DYRK1B: variants seen among roughly 807,000 people sequenced by gnomAD.
DYRK1B encodes the protein dual specificity tyrosine-phosphorylation-regulated kinase 1B.
A neutral mutation model predicts 57.1 loss-of-function variants in DYRK1B; 20 were observed. The ratio of observed to expected loss-of-function variants is 0.35; its 90% CI spans 0.25 to 0.51. The LOEUF (loss-of-function observed/expected upper bound fraction) is 0.51. Ranked by LOEUF, DYRK1B falls within the 20% of genes least tolerant of loss-of-function variation. The pLI, the probability that DYRK1B is intolerant of heterozygous loss-of-function variation, is 0.96. For missense variants in DYRK1B, 732 were observed against 886.3 expected, an observed-to-expected ratio of 0.83 and a Z score of 2.21; for synonymous variants, 409 against 384.7, an observed-to-expected ratio of 1.06 and a Z score of -0.74.
At position 39,826,949 on chromosome 19, in the gene DYRK1B, C is replaced by A; in HGVS notation, c.1134G>T (p.Val378=). 2 of 1,466,092 alleles carry A rather than the reference C, an allele frequency of 1.4e-6. No homozygotes were observed. Among genetic ancestry groups the A allele is most frequent in the South Asian group, 1.3e-5 (1 of 74,168 alleles). The allele number at this position is 1,466,092 out of a possible 1,614,324, so 90.8% of individuals were successfully genotyped here. ...CGGGCCCGCCCGTCTGCACGCCCAG[C>A]ACCTCCTGCAGCCGCCGTGTCCCGG... The part of the protein sequence containing the change: ...QGPGTRRLQE[V]LGVQTGGPGG... The change falls in exon 9 of 11, where the codon GTG becomes GTT. Residue 378 remains valine (V), a synonymous_variant. Coordinates refer to ENST00000323039, the MANE Select transcript of DYRK1B (RefSeq NM_004714.3). This position sits in a 1 kb window ranked among gnomAD's most constrained non-coding sequence, Gnocchi z 6.3.
At chr19:39,830,202 C>T in intron 4 of DYRK1B, 173 bp downstream of exon 4, 1 of 1,133,870 alleles carries the variant, frequency 8.8e-7, no homozygotes, top group Non-Finnish European at 1.3e-6. Flanking sequence ...ACATAACGAC[C>T]TTATGTTGAG....
At chr19:39,829,219 T>C (rs1391794524) in intron 5 of DYRK1B, among the ~76,000 whole-genome samples, 4 of 151,660 alleles carry the variant, frequency 2.6e-5, no homozygotes, top group Admixed American at 6.6e-5. Context: ...GTTTGGTTTT[T>C]TGTTTGTTTT....
chr19:39,832,586 T>A (rs75824165), intron 1 of DYRK1B, among the ~76,000 whole-genome samples: 5,357 of 152,222 alleles, frequency 0.035, 322 homozygotes, highest in African/African-American at 0.12. Context: ...ATCAGCGTCC[T>A]TGGGGACCTC....
At position 39,833,171 on chromosome 19, in the gene DYRK1B, C is replaced by G. The variant is rs902950573; in HGVS notation, c.-102+852G>C. 8.1e-6 allele frequency: 8 copies of G among 985,624 alleles called. No homozygotes were observed. The African/African-American group carries it at 1.4e-4, about 17-fold the overall frequency. 61.1% of individuals were successfully genotyped at this position (985,624 alleles called of 1,614,324 possible). ...TCTCCTATTCCATGCCTTGCCACTC[C>G]ACGACTCCTCCACCCTTGGAGCTTC... On this transcript the variant is annotated intron_variant, in intron 1 of 10. Coordinates refer to ENST00000323039, the MANE Select transcript of DYRK1B (RefSeq NM_004714.3).
chr19:39,832,870 G>A, intron 1 of DYRK1B: 1 of 973,792 alleles, frequency 1.0e-6, no homozygotes, highest in South Asian at 4.8e-5. Flanking sequence ...AGAAGGAGGA[G>A]GTGTCTCTTC....
chr19:39,825,714 G>C lies in DYRK1B; in HGVS notation c.*1C>G. On this transcript the variant is annotated 3_prime_UTR_variant, in exon 11 of 11. Coordinates refer to ENST00000323039, the MANE Select transcript of DYRK1B (RefSeq NM_004714.3). Reference sequence around the variant, plus strand: ...GGAGGGGCCCCAGGGAGGGGGCAGGGTCACGAGCTGGCTGCTGTGCTCTGG... The same window carrying C: ...GGAGGGGCCCCAGGGAGGGGGCAGGCTCACGAGCTGGCTGCTGTGCTCTGG... 8 of 1,548,646 alleles carry C rather than the reference G, an allele frequency of 5.2e-6. No homozygotes were observed. Among genetic ancestry groups the C allele is most frequent in the Non-Finnish European group, 7.0e-6 (8 of 1,147,752 alleles).
chr19:39,833,072 C>T (rs1599649401), intron 1 of DYRK1B: 1 of 985,406 alleles, frequency 1.0e-6, no homozygotes, highest in East Asian at 1.1e-4. Flanking sequence ...ATAGGGTTCT[C>T]TCCTCCCAGA....
intron 5 of DYRK1B, among the ~76,000 whole-genome samples, chr19:39,829,329 C>T (rs565862261): frequency 3.4e-4 from 51 of 151,736 alleles, no homozygotes; most frequent in Middle Eastern, 3.4e-3. Flanking sequence ...CAGGTTCAAG[C>T]GATTCTCCTG....
intron 4 of DYRK1B, 38 bp from the exon 5 acceptor site, chr19:39,830,065 A>AGCAGGG (rs1568533204): frequency 6.2e-7 from 1 of 1,604,350 alleles, no homozygotes. Flanking sequence ...AAGGGGTGGG[A>AGCAGGG]GCAGGGCAGA....
At chr19:39,833,602 C>T (rs968569006) in intron 1 of DYRK1B, 1 of 153,256 alleles carries the variant, frequency 6.5e-6, no homozygotes, top group Non-Finnish European at 1.4e-5. Context: ...GCCCCCCACC[C>T]AGGAGGCCCT....
intron 1 of DYRK1B, chr19:39,832,969 G>C: frequency 3.0e-6 from 3 of 984,940 alleles, no homozygotes; most frequent in Non-Finnish European, 3.6e-6. Context: ...TCCTACCACA[G>C]ACCTTTCTCC....
At position 39,827,581 on chromosome 19, in the gene DYRK1B, C is replaced by CT; in HGVS notation, c.882_883insA (p.Asp295ArgfsTer24). The CT allele has an allele frequency of 6.2e-7, 1 of 1,614,102 alleles. No individual in the cohort carries two copies. Among genetic ancestry groups the CT allele is most frequent in the Non-Finnish European group, 8.5e-7 (1 of 1,179,984 alleles). On this transcript the variant is annotated frameshift_variant, in exon 7 of 11. Transcript: ENST00000323039. LOFTEE classifies it high-confidence loss of function. ...AGGATGCAGCCCAGGGACCACATGT[C>CT]AATGGCCAGGTCGTAGGGTGTGCCC...
rs746461969 is a variant in DYRK1B at position 39,826,660 on chromosome 19, C to G, written c.1411+12G>C. 10 of 1,590,036 alleles carry G rather than the reference C, an allele frequency of 6.3e-6. No homozygotes were observed. In the Admixed American group the frequency reaches 1.8e-4, roughly 28 times the overall value. ...CACCCGTTGTACCCCATTTGGGCAC[C>G]TGGGCACCCACCAGAACTGGAGATG... On this transcript the variant is annotated intron_variant, in intron 9 of 10. Coordinates refer to ENST00000323039, the MANE Select transcript of DYRK1B (RefSeq NM_004714.3). This position sits in a 1 kb window ranked among gnomAD's most constrained non-coding sequence, Gnocchi z 6.3.
Position 39,826,447 on chromosome 19 carries a change from G to T in DYRK1B, c.1412-161C>A, listed in dbSNP as rs1239118515. Among the ~76,000 whole-genome samples, 3 of 152,222 alleles carry T rather than the reference G, an allele frequency of 2.0e-5. No individual in the cohort carries two copies. The highest frequency in any genetic ancestry group is 7.2e-5 in the African/African-American group (3 of 41,452). On this transcript the variant is annotated intron_variant, in intron 9 of 10. Coordinates refer to ENST00000323039, the MANE Select transcript of DYRK1B (RefSeq NM_004714.3). This position sits in a 1 kb window ranked among gnomAD's most constrained non-coding sequence, Gnocchi z 6.3. ...GGCCCAATTCTGAGATTCTGGGTTG[G>T]AATTCAGTTTTGGGTTTTAGAGTCA...
Position 39,826,931 on chromosome 19 carries a change from GC to G in DYRK1B, c.1151del (p.Gly384AlafsTer119). 1 of 1,288,392 alleles carries G rather than the reference GC, an allele frequency of 7.8e-7. No homozygotes were observed. Among genetic ancestry groups the G allele is most frequent in the Non-Finnish European group, 9.8e-7 (1 of 1,016,634 alleles). The allele number at this position is 1,288,392 out of a possible 1,614,324, so 79.8% of individuals were successfully genotyped here. On this transcript the variant is annotated frameshift_variant, in exon 9 of 11. Transcript: ENST00000323039. LOFTEE classifies it high-confidence loss of function. The surrounding 1 kb of genome is among the most constrained non-coding windows in gnomAD (Gnocchi z 6.3). ...CCCCCGCCCGCCGGCCCCCGGGCCC[GC>G]CCGTCTGCACGCCCAGCACCTCCTG... is the stretch of plus-strand genomic sequence containing the variant. Reference protein sequence around the residue: ...RLQEVLGVQTGGPGGRRAGEP... With the variant: ...RLQEVLGVQTXGPGGRRAGEP...
At chr19:39,829,802 C>T (rs1568532775) in intron 5 of DYRK1B, 78 bp downstream of exon 5, 8 of 1,513,228 alleles carry the variant, frequency 5.3e-6, no homozygotes, top group East Asian at 2.3e-5. Flanking sequence ...GAGAGTAGGG[C>T]GGGGGTGTGA....
intron 1 of DYRK1B, chr19:39,833,765 G>A (rs968561888): frequency 5.9e-5 from 9 of 152,422 alleles, no homozygotes; most frequent in Admixed American, 4.6e-4. Context: ...AGCGGCCCGC[G>A]GAGCTGAGCC....
In DYRK1B at chr19:39,825,900, C is replaced by A; in HGVS notation, c.1705G>T (p.Val569Leu). Residue 569 changes from valine to leucine, a missense_variant, in exon 11 of 11, where the codon GTG (valine) becomes TTG (leucine). Physicochemically the swap from Val to Leu is conservative, Grantham distance 32. Coordinates refer to ENST00000323039, the MANE Select transcript of DYRK1B (RefSeq NM_004714.3). ...GGGGAGCAGTCAGCAGGGCCGCCCA[C>A]CAGGCTCACATCCATCAGCTCCGGG... is the stretch of plus-strand genomic sequence containing the variant. ...PPPELMDVSLVGGPADCSPPH... is the reference protein window; with the variant it reads ...PPPELMDVSLLGGPADCSPPH... 1.3e-6 allele frequency: 2 copies of A among 1,575,154 alleles called. No homozygotes were observed. Among genetic ancestry groups the A allele is most frequent in the South Asian group, 2.4e-5 (2 of 84,148 alleles).
chr19:39,828,455 G>C lies in DYRK1B; in HGVS notation c.649C>G (p.Leu217Val). 6.2e-7 allele frequency: 1 copy of C among 1,613,962 alleles called. No individual in the cohort carries two copies. ...RGVSLNLTRK[L>V]AQQLCTALLF... Reference sequence around the variant, plus strand: ...AGTGCCGTGCAGAGCTGCTGCGCCAGCTTCCGGGTCAGGTTCAGCGAGACG... The same window carrying C: ...AGTGCCGTGCAGAGCTGCTGCGCCACCTTCCGGGTCAGGTTCAGCGAGACG... The change falls in exon 6 of 11, where the codon CTG becomes GTG. Residue 217 changes from leucine (L) to valine (V), a missense_variant. Around this residue, in one of 2 missense-constraint regions of DYRK1B, gnomAD observed 510 missense variants for 681.3 expected, o/e 0.75. Transcript: ENST00000323039. The surrounding 1 kb of genome is among the most constrained non-coding windows in gnomAD (Gnocchi z 4.3).
Sources: gnomAD v4.1 joint callset for allele counts (sites outside exome capture counted in the v4.1 genomes callset) on GRCh38, gnomAD v4.1.1 for gene constraint, gnomAD v4.1.1 regional missense constraint, Gnocchi (gnomAD v3.1) non-coding constraint, MANE v1.5 for transcripts, NCBI Gene and HGNC (gene_info 2026-07-23, HGNC 2026-07-21) for gene names.